MROH7: variants seen among roughly 807,000 people sequenced by gnomAD.
The protein encoded by MROH7 is maestro heat like repeat family member 7, also known as maestro heat-like repeat-containing protein family member 7.
A neutral mutation model predicts 129.2 loss-of-function variants in MROH7; 113 were observed. The ratio of observed to expected loss-of-function variants is 0.87; its 90% confidence interval spans 0.75 to 1.02. MROH7 has a LOEUF of 1.02. Among genes scored for constraint, MROH7 ranks in the 50% least tolerant of loss-of-function variants. MROH7 has a pLI of 0.00. For missense variants in MROH7, 1,601 were observed against 1,671.3 expected, an observed-to-expected ratio of 0.96 and a Z score of 0.73; for synonymous variants, 655 against 667.9, an observed-to-expected ratio of 0.98 and a Z score of 0.30.
At chr1:54,670,115 G>C (rs1644873691) in intron 5 of MROH7, among the ~76,000 whole-genome samples, 1 of 152,080 alleles carries the variant, frequency 6.6e-6, no homozygotes, top group South Asian at 2.1e-4. Flanking sequence ...AATGCAACTG[G>C]GCAGTTTTCA....
chr1:54,671,849 T>C lies in MROH7; in HGVS notation c.1599+920T>C, dbSNP rs1176645226. On this transcript the variant is annotated intron_variant, in intron 7 of 23. Transcript: ENST00000421030. ...ATGGTATCAAATAAATAAATACGAA[T>C]AAGTGCAAAATTACACCAATCATAA... Among the ~76,000 whole-genome samples the C allele has an allele frequency of 2.6e-5, 4 of 151,308 alleles. No individual in the cohort carries two copies. The East Asian group carries it at 7.8e-4, about 29-fold the overall frequency.
rs1435362199 is a variant in MROH7, at chr1:54,653,290, T to C, written c.364T>C (p.Cys122Arg). 2 of 1,614,194 alleles carry C rather than the reference T, an allele frequency of 1.2e-6. No individual in the cohort carries two copies. Among genetic ancestry groups the C allele is most frequent in the East Asian group, 4.5e-5 (2 of 44,886 alleles). The part of the protein sequence containing the change: ...VSRPDSQGRL[C>R]PASNPILSPS... ...AAGGCCTGACTCACAGGGGCGCCTC[T>C]GTCCAGCCTCAAACCCCATTCTGAG... The change falls in exon 3 of 24, where the codon TGT becomes CGT. Residue 122 changes from cysteine to arginine, a missense_variant. Physicochemically the swap from Cys to Arg is radical, Grantham distance 180. Transcript: ENST00000421030.
chr1:54,672,558 G>T (rs1031356778), intron 7 of MROH7, among the ~76,000 whole-genome samples: 1 of 152,102 alleles, frequency 6.6e-6, no homozygotes, highest in African/African-American at 2.4e-5. Flanking sequence ...CTTGGAAAAC[G>T]TATTTGGGCC....
At position 54,653,758 on chromosome 1, in the gene MROH7, G is replaced by A. The variant is rs1644595891; in HGVS notation, c.832G>A (p.Val278Met). Residue 278 changes from valine (V) to methionine (M), a missense_variant, in exon 3 of 24, where the codon GTG becomes ATG. Coordinates refer to ENST00000421030, the MANE Select transcript of MROH7 (RefSeq NM_001039464.4). Reference protein sequence around the residue: ...WSTSSKETMNVASSGHSRSDL... With the variant: ...WSTSSKETMNMASSGHSRSDL... Reference sequence around the variant, plus strand: ...CACAAGTTCAAAGGAAACCATGAATGTGGCTTCCAGCGGCCACTCCAGATC... The same window carrying A: ...CACAAGTTCAAAGGAAACCATGAATATGGCTTCCAGCGGCCACTCCAGATC... 1.2e-6 allele frequency: 2 copies of A among 1,614,048 alleles called. No individual in the cohort carries two copies. The highest frequency in any genetic ancestry group is 1.7e-6 in the Non-Finnish European group (2 of 1,180,032).
chr1:54,707,110 C>A (rs1246043827), intron 22 of MROH7, among the ~76,000 whole-genome samples: 5 of 152,152 alleles, frequency 3.3e-5, no homozygotes. Context: ...TAATCCCAAA[C>A]TTTCTTTTTG....
intron 7 of MROH7, among the ~76,000 whole-genome samples, chr1:54,671,654 G>A (rs1365683834): frequency 2.6e-5 from 4 of 152,124 alleles, no homozygotes; most frequent in African/African-American, 9.7e-5. Flanking sequence ...TGACCCTCAG[G>A]GTAGGATGAA....
intron 3 of MROH7, chr1:54,663,913 C>G (rs1644773748): frequency 5.6e-6 from 2 of 360,016 alleles, no homozygotes; most frequent in Non-Finnish European, 5.4e-6. Context: ...CTTCTCCATC[C>G]TCCAGCGTCC....
chr1:54,650,196 T>C (rs777228655), intron 1 of MROH7, among the ~76,000 whole-genome samples: 2 of 152,220 alleles, frequency 1.3e-5, no homozygotes, highest in Non-Finnish European at 2.9e-5. Flanking sequence ...TGGAAGGCTT[T>C]ATGTGTTCCC....
In MROH7 at chr1:54,665,196, G is replaced by GT; in HGVS notation, c.1262dup (p.Lys422GlufsTer16). 1 of 1,613,872 alleles carries GT rather than the reference G, an allele frequency of 6.2e-7. No individual in the cohort carries two copies. Among genetic ancestry groups the GT allele is most frequent in the South Asian group, 1.1e-5 (1 of 91,058 alleles). ...CTTTGATGAAGTGACCTCATGCCTG[G>GT]TGAAGGTGCCAGAGAAGACAGAAGG... is the stretch of plus-strand genomic sequence containing the variant. On this transcript the variant is annotated frameshift_variant, in exon 4 of 24. Coordinates refer to ENST00000421030, the MANE Select transcript of MROH7 (RefSeq NM_001039464.4). LOFTEE classifies it high-confidence loss of function.
intron 1 of MROH7, among the ~76,000 whole-genome samples, chr1:54,646,610 G>A (rs557645376): frequency 2.0e-5 from 3 of 152,184 alleles, no homozygotes; most frequent in South Asian, 4.2e-4. Flanking sequence ...ACAGAGAAAA[G>A]TGAATTGACA....
intron 5 of MROH7, among the ~76,000 whole-genome samples, chr1:54,669,813 A>C (rs1021252556): frequency 6.6e-6 from 1 of 152,008 alleles, no homozygotes; most frequent in Non-Finnish European, 1.5e-5. Context: ...AAGCCTGACC[A>C]AAATGGCGAA....
rs572845314 is a variant in MROH7 at position 54,647,464 on chromosome 1, G to T, written c.-109-4485G>T. On this transcript the variant is annotated intron_variant, in intron 1 of 23. Coordinates refer to ENST00000421030, the MANE Select transcript of MROH7 (RefSeq NM_001039464.4). ...CGTCTCTACTTAAAAAAAAGGCTGG[G>T]CATGGTGGCTCACGCCTGTAATCCC... Among the ~76,000 whole-genome samples, 25 of 152,144 alleles carry T rather than the reference G, an allele frequency of 1.6e-4. No homozygotes were observed. In the East Asian group the frequency reaches 4.7e-3, roughly 28 times the overall value.
At position 54,653,825 on chromosome 1, in the gene MROH7, T is replaced by C; in HGVS notation, c.899T>C (p.Leu300Pro). Residue 300 changes from leucine (L) to proline (P), a missense_variant, in exon 3 of 24, where the codon CTG becomes CCG. Coordinates refer to ENST00000421030, the MANE Select transcript of MROH7 (RefSeq NM_001039464.4). Reference sequence around the variant, plus strand: ...ATCACTCAAGCCTCGTATGTGACCCTGATTCCTGGCTCCAGCTATGGTATC... The same window carrying C: ...ATCACTCAAGCCTCGTATGTGACCCCGATTCCTGGCTCCAGCTATGGTATC... ...VTITQASYVTLIPGSSYGISL... is the reference protein window; with the variant it reads ...VTITQASYVTPIPGSSYGISL... 1 of 1,614,142 alleles carries C rather than the reference T, an allele frequency of 6.2e-7. No individual in the cohort carries two copies. Among genetic ancestry groups the C allele is most frequent in the Non-Finnish European group, 8.5e-7 (1 of 1,179,986 alleles).
rs1292029654 is a variant in MROH7 at position 54,682,689 on chromosome 1, G to A, written c.2415G>A (p.Leu805=). 5 of 1,614,096 alleles carry A rather than the reference G, an allele frequency of 3.1e-6. No individual in the cohort carries two copies. The highest frequency in any genetic ancestry group is 4.2e-6 in the Non-Finnish European group (5 of 1,179,994). ...NGAEMWRQLI[L]CKPSCDVRDL... Reference sequence around the variant, plus strand: ...CAGAGATGTGGAGGCAGCTGATACTGTGTAAGCCCAGCTGTGATGTCCGAG... The same window carrying A: ...CAGAGATGTGGAGGCAGCTGATACTATGTAAGCCCAGCTGTGATGTCCGAG... Residue 805 remains leucine (L), a synonymous_variant, in exon 14 of 24, where the codon CTG becomes CTA. Coordinates refer to ENST00000421030, the MANE Select transcript of MROH7 (RefSeq NM_001039464.4).
intron 3 of MROH7, among the ~76,000 whole-genome samples, chr1:54,661,745 G>A (rs1487164551): frequency 2.6e-5 from 4 of 151,832 alleles, no homozygotes; most frequent in Non-Finnish European, 2.9e-5. Flanking sequence ...ACAGGCGCCC[G>A]CCACCATGCC....
intron 16 of MROH7, among the ~76,000 whole-genome samples, chr1:54,694,489 T>C (rs1298943802): frequency 6.6e-6 from 1 of 151,984 alleles, no homozygotes; most frequent in East Asian, 1.9e-4. Context: ...TTTTTTGAGA[T>C]GGAGTCTCAC....
intron 5 of MROH7, 142 bp downstream of exon 5, chr1:54,669,079 C>T: frequency 1.3e-5 from 8 of 631,588 alleles, no homozygotes; most frequent in South Asian, 9.7e-5. Flanking sequence ...GGAATTGAGT[C>T]TCAGCTCCAC....
At chr1:54,702,793 G>A (rs780624775) in intron 21 of MROH7, 48 bp downstream of exon 21, 7 of 1,559,384 alleles carry the variant, frequency 4.5e-6, no homozygotes, top group Non-Finnish European at 6.1e-6. Context: ...CATGTTGGAG[G>A]TGGCGAATTC....
chr1:54,674,233 T>C, intron 10 of MROH7, 82 bp downstream of exon 10: 7 of 1,508,360 alleles, frequency 4.6e-6, no homozygotes, highest in Non-Finnish European at 6.2e-6. Flanking sequence ...AGCTGGAGCC[T>C]TGGCATTAAG....
Sources: allele counts gnomAD v4.1 joint callset (sites outside exome capture counted in the v4.1 genomes callset), GRCh38; gene constraint gnomAD v4.1.1; transcripts MANE v1.5; gene names NCBI Gene and HGNC (gene_info 2026-07-23, HGNC 2026-07-21).